Variants in PCDHA2 observed in about 807,000 individuals in gnomAD.
PCDHA2 encodes the protein protocadherin alpha-2.
A neutral mutation model predicts 66.0 loss-of-function variants in PCDHA2; 58 were observed. The observed-to-expected ratio is 0.88, with a 90% CI of 0.71 to 1.09. PCDHA2 has a LOEUF of 1.09. Among genes scored for constraint, PCDHA2 ranks in the 50% least tolerant of loss-of-function variants. The pLI, the probability that PCDHA2 is intolerant of heterozygous loss-of-function variation, is 0.00. For missense variants in PCDHA2, 1,267 were observed against 1,242.3 expected (o/e 1.02, Z -0.30); for synonymous variants, 634 against 554.0 (o/e 1.14, Z -2.03).
intron 1 of PCDHA2, chr5:140,807,141 A>C: frequency 6.4e-7 from 1 of 1,570,926 alleles, no homozygotes; most frequent in Non-Finnish European, 8.6e-7. Context: ...ATTTCCCTTG[A>C]CTTTGAGAAA....
At chr5:140,815,287 C>T (rs1325438151) in intron 1 of PCDHA2, 3 of 152,036 alleles carry the variant, frequency 2.0e-5, no homozygotes, top group African/African-American at 7.2e-5. Flanking sequence ...TTACTGTCTT[C>T]CTTTGTGTTT....
At chr5:141,005,184 A>G (rs964423938) in intron 3 of PCDHA2, among the ~76,000 whole-genome samples, 27 of 152,196 alleles carry the variant, frequency 1.8e-4, no homozygotes, top group Non-Finnish European at 3.7e-4. Flanking sequence ...CACTTCTCAC[A>G]TCAGTCCTTT....
chr5:140,850,511 C>T (rs2150486900), intron 1 of PCDHA2: 2 of 1,598,036 alleles, frequency 1.3e-6, no homozygotes, highest in East Asian at 2.2e-5. Context: ...TGGTGGAGAG[C>T]GGCCAGGCGC....
intron 1 of PCDHA2, chr5:140,808,484 C>T (rs782078802): frequency 6.2e-7 from 1 of 1,614,170 alleles, no homozygotes; most frequent in East Asian, 2.2e-5. Flanking sequence ...CGGGGGCTCG[C>T]CTTCGCTGTG....
At chr5:140,947,059 A>G (rs1297447274) in intron 1 of PCDHA2, among the ~76,000 whole-genome samples, 2 of 151,742 alleles carry the variant, frequency 1.3e-5, no homozygotes, top group Admixed American at 1.3e-4. Flanking sequence ...ATCATTACAC[A>G]GTGTATATAT....
At chr5:140,976,515 C>T (rs1285704969) in intron 1 of PCDHA2, among the ~76,000 whole-genome samples, 1 of 152,016 alleles carries the variant, frequency 6.6e-6, no homozygotes, top group Non-Finnish European at 1.5e-5. Flanking sequence ...CGCGCCACTG[C>T]ACACCAGCCT....
chr5:140,915,374 G>A (rs1310466402), intron 1 of PCDHA2, among the ~76,000 whole-genome samples: 3 of 152,016 alleles, frequency 2.0e-5, no homozygotes, highest in Non-Finnish European at 4.4e-5. Flanking sequence ...TAAGTGTCTC[G>A]GCATTGAAGA....
At chr5:140,925,537 A>G (rs1325632505) in intron 1 of PCDHA2, among the ~76,000 whole-genome samples, 4 of 152,070 alleles carry the variant, frequency 2.6e-5, no homozygotes, top group Non-Finnish European at 2.9e-5. Flanking sequence ...GAGGAGAAAT[A>G]CCTAATGTAA....
At chr5:140,895,435 C>T (rs2065005335) in intron 1 of PCDHA2, among the ~76,000 whole-genome samples, 2 of 152,134 alleles carry the variant, frequency 1.3e-5, no homozygotes, top group African/African-American at 4.8e-5. Context: ...CCTCCTGAGA[C>T]TCTTTTCATG....
intron 1 of PCDHA2, among the ~76,000 whole-genome samples, chr5:140,906,637 C>A (rs1171706512): frequency 6.6e-6 from 1 of 152,226 alleles, no homozygotes; most frequent in Non-Finnish European, 1.5e-5. Flanking sequence ...AGCACCTCAG[C>A]AGGTAGTGGT....
chr5:140,835,450 C>G lies in PCDHA2; in HGVS notation c.2388+38098C>G, dbSNP rs2150235992. 4 of 1,613,938 alleles carry G rather than the reference C, an allele frequency of 2.5e-6. No individual in the cohort carries two copies. The South Asian group carries it at 4.4e-5, about 18-fold the overall frequency. On this transcript the variant is annotated intron_variant, in intron 1 of 3. Coordinates refer to ENST00000526136, the MANE Select transcript of PCDHA2 (RefSeq NM_018905.3). The stretch of plus-strand genomic sequence containing the variant: ...CCACAGTTGACTCTCACTTCCCTGT[C>G]TCTCCCTATTCCAGAGGACGCCCAA...
At chr5:141,001,455 G>T (rs2098019131) in intron 3 of PCDHA2, among the ~76,000 whole-genome samples, 1 of 152,210 alleles carries the variant, frequency 6.6e-6, no homozygotes, top group Non-Finnish European at 1.5e-5. Flanking sequence ...ACTGTCAATT[G>T]AAGGACTAAG....
At chr5:140,922,210 A>AAC (rs2080722350) in intron 1 of PCDHA2, among the ~76,000 whole-genome samples, 2 of 152,232 alleles carry the variant, frequency 1.3e-5, no homozygotes, top group Admixed American at 1.3e-4. Context: ...GAAACTTTGT[A>AAC]AAACATTTGA....
At chr5:140,837,994 CT>C (rs2150281652) in intron 1 of PCDHA2, among the ~76,000 whole-genome samples, 1 of 150,612 alleles carries the variant, frequency 6.6e-6, no homozygotes, top group Non-Finnish European at 1.5e-5. Flanking sequence ...TTCATCTTTC[CT>C]TTTTTTTAAA....
At chr5:140,872,792 G>A (rs1474880199) in intron 1 of PCDHA2, among the ~76,000 whole-genome samples, 1 of 152,054 alleles carries the variant, frequency 6.6e-6, no homozygotes, top group Non-Finnish European at 1.5e-5. Context: ...ATGCTAGTTG[G>A]CATTCTTCCA....
At chr5:140,868,907 A>T in intron 1 of PCDHA2, 1 of 869,128 alleles carries the variant, frequency 1.2e-6, no homozygotes, top group Non-Finnish European at 1.7e-6. Flanking sequence ...GTCGCTCTTT[A>T]CTTGGTGGAA....
chr5:140,882,505 G>A (rs782409687), intron 1 of PCDHA2: 13 of 1,614,168 alleles, frequency 8.1e-6, no homozygotes, highest in South Asian at 2.2e-5. Flanking sequence ...AGGTAAATCT[G>A]CAGAATGGCA....
chr5:140,895,995 G>A (rs2065293379), intron 1 of PCDHA2, among the ~76,000 whole-genome samples: 1 of 152,058 alleles, frequency 6.6e-6, no homozygotes, highest in Non-Finnish European at 1.5e-5. Flanking sequence ...ATTTTAAGTA[G>A]AGACAGGGTT....
intron 1 of PCDHA2, chr5:140,884,380 C>T (rs1281344307): frequency 6.2e-7 from 1 of 1,613,980 alleles, no homozygotes; most frequent in Non-Finnish European, 8.5e-7. Context: ...TCATTGCCAT[C>T]TGCGCGGTGT....
Sources: allele counts gnomAD v4.1 joint callset (sites outside exome capture counted in the v4.1 genomes callset), GRCh38; gene constraint gnomAD v4.1.1; transcripts MANE v1.5; gene names NCBI Gene and HGNC (gene_info 2026-07-23, HGNC 2026-07-21).